The following XKR4 variants were observed in gnomAD, a reference collection of about 807,000 sequenced individuals.
The protein encoded by XKR4 is XK related 4.
Under a neutral mutation model 53.9 loss-of-function variants are expected in XKR4, and 12 were observed. The ratio of observed to expected loss-of-function variants is 0.22; its 90% CI spans 0.14 to 0.36. XKR4 has a LOEUF of 0.36. Among genes scored for constraint, XKR4 ranks in the 10% least tolerant of loss-of-function variants. The probability of loss-of-function intolerance (pLI) is 1.00; values close to 1 mark genes in which losing one functional copy is unlikely to be tolerated. For synonymous variants in XKR4, 354 were observed against 362.4 expected, an observed-to-expected ratio of 0.98 and a Z score of 0.26; for missense variants, 799 against 859.5, an observed-to-expected ratio of 0.93 and a Z score of 0.88.
intron 1 of XKR4, among the ~76,000 whole-genome samples, chr8:55,243,877 C>A (rs976241768): frequency 1.2e-4 from 19 of 152,292 alleles, no homozygotes; most frequent in African/African-American, 4.1e-4. Context: ...GAAGGATAAC[C>A]TAGACAGTGC....
chr8:55,454,130 A>G (rs1346210107), intron 2 of XKR4: 13 of 877,010 alleles, frequency 1.5e-5, no homozygotes, highest in Non-Finnish European at 2.5e-5. Context: ...GGCGAGGTCA[A>G]CCAACTCCAG....
rs188755871 is a variant in XKR4, at chr8:55,410,072, T to C, written c.1006+52195T>C. 4.0e-5 allele frequency among the ~76,000 whole-genome samples: 6 copies of C among 150,982 alleles called. No individual in the cohort carries two copies. The East Asian group carries it at 1.2e-3, about 29-fold the overall frequency. ...CTGTTTGCCATGGCTAGTTGATTCC[T>C]CTCTGTCATTTGCCTTTAAAAAAAA... is the stretch of plus-strand genomic sequence containing the variant. On this transcript the variant is annotated intron_variant, in intron 2 of 2. Transcript: ENST00000327381.
chr8:55,454,072 T>G, intron 2 of XKR4: 1 of 825,904 alleles, frequency 1.2e-6, no homozygotes, highest in Non-Finnish European at 2.1e-6. Context: ...GCCGCAGCTC[T>G]TTGTCCTGCA....
chr8:55,140,708 G>A (rs1324629772), intron 1 of XKR4, among the ~76,000 whole-genome samples: 1 of 152,172 alleles, frequency 6.6e-6, no homozygotes, highest in African/African-American at 2.4e-5. Flanking sequence ...AGCATGGCCT[G>A]AGGGTGCTTG....
At chr8:55,143,921 AT>A (rs1235331393) in intron 1 of XKR4, among the ~76,000 whole-genome samples, 1 of 152,226 alleles carries the variant, frequency 6.6e-6, no homozygotes, top group Non-Finnish European at 1.5e-5. Flanking sequence ...GCTGGAGTGA[AT>A]TTTGGCTCTT....
intron 1 of XKR4, among the ~76,000 whole-genome samples, chr8:55,219,195 C>T (rs1033145132): frequency 9.9e-5 from 15 of 152,148 alleles, no homozygotes; most frequent in African/African-American, 3.4e-4. Context: ...GCCTAAGGTA[C>T]CTGTCAAAAG....
At chr8:55,181,229 G>A (rs1404507363) in intron 1 of XKR4, among the ~76,000 whole-genome samples, 1 of 152,146 alleles carries the variant, frequency 6.6e-6, no homozygotes, top group African/African-American at 2.4e-5. Flanking sequence ...TCCTTTGTGA[G>A]AATTAATTGG....
intron 1 of XKR4, among the ~76,000 whole-genome samples, chr8:55,111,922 A>G (rs1465250799): frequency 6.6e-6 from 1 of 152,196 alleles, no homozygotes; most frequent in Non-Finnish European, 1.5e-5. Flanking sequence ...TGGATTTAAA[A>G]CAAAGATATG....
intron 1 of XKR4, chr8:55,140,284 T>C (rs1325335887): frequency 3.7e-6 from 1 of 272,444 alleles, no homozygotes; most frequent in Non-Finnish European, 7.3e-6. Context: ...AGTGTGACAA[T>C]TCAGGAATGT....
chr8:55,256,992 C>T (rs6982166), intron 1 of XKR4, among the ~76,000 whole-genome samples: 37,448 of 152,100 alleles, frequency 0.25, 5,084 homozygotes, highest in East Asian at 0.5. Flanking sequence ...CTTGCTGCAT[C>T]CTTTCCACCT....
intron 2 of XKR4, among the ~76,000 whole-genome samples, chr8:55,393,874 T>C (rs2129389018): frequency 6.6e-6 from 1 of 152,326 alleles, no homozygotes; most frequent in Middle Eastern, 3.4e-3. Flanking sequence ...TTTTCTCTTC[T>C]TTCAAAAAGT....
At chr8:55,473,548 G>T (rs1441365805) in intron 2 of XKR4, among the ~76,000 whole-genome samples, 1 of 152,010 alleles carries the variant, frequency 6.6e-6, no homozygotes, top group Non-Finnish European at 1.5e-5. Flanking sequence ...AAGGTTTTTG[G>T]CAGCCAAACA....
chr8:55,331,452 T>G (rs1366531521), intron 1 of XKR4, among the ~76,000 whole-genome samples: 1 of 152,192 alleles, frequency 6.6e-6, no homozygotes, highest in Admixed American at 6.5e-5. Flanking sequence ...GTTCAATAGA[T>G]GTATTTCAGT....
In XKR4 at chr8:55,480,727, C is replaced by G. The variant is rs1364817864; in HGVS notation, c.1007-42554C>G. On this transcript the variant is annotated intron_variant, in intron 2 of 2. Transcript: ENST00000327381. ...AGACTCAGGATACAAAATCAATGTA[C>G]AAAAATCAAAAGCATTCTTATACAC... Among the ~76,000 whole-genome samples, 2 of 145,028 alleles carry G rather than the reference C, an allele frequency of 1.4e-5. 1 individual carries two copies. Among genetic ancestry groups the G allele is most frequent in the Non-Finnish European group, 3.0e-5 (2 of 67,094 alleles).
intron 1 of XKR4, among the ~76,000 whole-genome samples, chr8:55,211,632 AG>A (rs1399679709): frequency 6.6e-6 from 1 of 152,220 alleles, no homozygotes; most frequent in East Asian, 1.9e-4. Context: ...TCAATTTTTA[AG>A]AATTTGTGCT....
rs530883864 is a variant in XKR4, at chr8:55,529,307, T to C, written c.*5080T>C. The C allele has an allele frequency of 5.1e-4, 77 of 152,244 alleles. No homozygotes were observed. Among genetic ancestry groups the C allele is most frequent in the African/African-American group, 1.8e-3 (76 of 41,540 alleles). The allele number at this position is 152,244 out of a possible 1,614,324, so 9.4% of individuals were successfully genotyped here. A position where few individuals can be genotyped will look rare whatever the true frequency, so the allele number is the denominator to read the frequency against. Reference sequence around the variant, plus strand: ...AAGCTTTTGTCAACCTTGAGGCCTATATTCTGCTAAACAAGAGATGACTTA... The same window carrying C: ...AAGCTTTTGTCAACCTTGAGGCCTACATTCTGCTAAACAAGAGATGACTTA... On this transcript the variant is annotated 3_prime_UTR_variant, in exon 3 of 3. Coordinates refer to ENST00000327381, the MANE Select transcript of XKR4 (RefSeq NM_052898.2).
chr8:55,264,461 A>C (rs900629837), intron 1 of XKR4, among the ~76,000 whole-genome samples: 1 of 152,220 alleles, frequency 6.6e-6, no homozygotes, highest in Non-Finnish European at 1.5e-5. Flanking sequence ...AAATAGATGA[A>C]CAAGCTGTCC....
intron 1 of XKR4, among the ~76,000 whole-genome samples, chr8:55,244,998 T>A (rs975156178): frequency 1.3e-5 from 2 of 150,996 alleles, no homozygotes; most frequent in African/African-American, 4.9e-5. Flanking sequence ...GCCTCCCGGG[T>A]TCCAGCAATT....
chr8:55,336,915 T>A (rs191947142), intron 1 of XKR4, among the ~76,000 whole-genome samples: 1 of 152,280 alleles, frequency 6.6e-6, no homozygotes, highest in East Asian at 1.9e-4. Flanking sequence ...ATTAAACAAA[T>A]GAGCTCCTGA....
Sources: allele counts gnomAD v4.1 joint callset (sites outside exome capture counted in the v4.1 genomes callset), GRCh38; gene constraint gnomAD v4.1.1; transcripts MANE v1.5; gene names NCBI Gene and HGNC (gene_info 2026-07-23, HGNC 2026-07-21).